RREB1: variants seen among roughly 807,000 people sequenced by gnomAD.
The protein encoded by RREB1 is ras-responsive element-binding protein 1.
In RREB1, 27 loss-of-function variants were observed where a neutral mutation model predicts 117.8. The observed-to-expected ratio is 0.23, with a 90% CI of 0.17 to 0.32. The LOEUF is 0.32. RREB1 is among the 10% of genes least tolerant of loss of function. RREB1 has a pLI of 1.00. For synonymous variants in RREB1, 1,298 were observed against 1,026.7 expected (o/e 1.26, Z -5.05); for missense variants, 2,577 against 2,378.2 (o/e 1.08, Z -1.74).
rs576180981 is a variant in RREB1, at chr6:7,171,317, G to A, written c.-284-5338G>A. Among the ~76,000 whole-genome samples, 5 of 152,266 alleles carry A rather than the reference G, an allele frequency of 3.3e-5. No homozygotes were observed. The South Asian group carries it at 1.0e-3, about 32-fold the overall frequency. On this transcript the variant is annotated intron_variant, in intron 1 of 12. Coordinates refer to ENST00000379938, the MANE Select transcript of RREB1 (RefSeq NM_001003699.4). ...AGGGCAGAGGTGAAGGGGGAGGAGAGCACTCCGCCTTCCTGCCTTGACGGG... is the reference window on the plus strand; with the variant it reads ...AGGGCAGAGGTGAAGGGGGAGGAGAACACTCCGCCTTCCTGCCTTGACGGG...
intron 8 of RREB1, among the ~76,000 whole-genome samples, chr6:7,222,106 T>C (rs1767295992): frequency 6.6e-6 from 1 of 152,200 alleles, no homozygotes; most frequent in Non-Finnish European, 1.5e-5. Flanking sequence ...GTAATTTCTT[T>C]TCTCTGGGAG....
chr6:7,229,801 G>A lies in RREB1; in HGVS notation c.1702G>A (p.Gly568Arg), dbSNP rs1211553369. ...CGCCCACCTGCTGCAGTCCAAGTCC[G>A]GGACCCAGCCCCACGCGGCCACGCG... ...SNAHLLQSKS[G>R]TQPHAATRLS... Residue 568 changes from glycine to arginine, a missense_variant, in exon 10 of 13, where the codon GGG becomes AGG. Physicochemically the swap from Gly to Arg is moderately radical, Grantham distance 125. Transcript: ENST00000379938. This position sits in a 1 kb window ranked among gnomAD's most constrained non-coding sequence, Gnocchi z 4.5. The A allele has an allele frequency of 1.2e-6, 2 of 1,610,428 alleles. No individual in the cohort carries two copies. Among genetic ancestry groups the A allele is most frequent in the South Asian group, 1.1e-5 (1 of 90,904 alleles).
chr6:7,248,825 C>A lies in RREB1; in HGVS notation c.5086C>A (p.Pro1696Thr). ...GGAGGAGAAGGTCACGGCAGGGTGG[C>A]CGTCTGAGCCTGGCCAGGGTGACCT... ...HREEKVTAGW[P>T]SEPGQGDLNP... The change falls in exon 13 of 13, where the codon CCG becomes ACG. Residue 1696 changes from proline to threonine, a missense_variant. Physicochemically the swap from Pro to Thr is conservative, Grantham distance 38. Transcript: ENST00000379938. The A allele has an allele frequency of 6.2e-7, 1 of 1,612,702 alleles. No individual in the cohort carries two copies. Among genetic ancestry groups the A allele is most frequent in the Non-Finnish European group, 8.5e-7 (1 of 1,179,494 alleles).
At chr6:7,114,472 G>A (rs1017191247) in intron 1 of RREB1, among the ~76,000 whole-genome samples, 1 of 151,622 alleles carries the variant, frequency 6.6e-6, no homozygotes, top group Non-Finnish European at 1.5e-5. Flanking sequence ...TTCTGGTGGG[G>A]GGGGGGGCGG....
chr6:7,226,768 C>T, intron 9 of RREB1, 112 bp downstream of exon 9: 1 of 861,280 alleles, frequency 1.2e-6, no homozygotes, highest in Non-Finnish European at 1.8e-6. Flanking sequence ...GTCGGTTGGG[C>T]TTTGTCTTTT....
At chr6:7,232,073 C>T (rs1040009482) in intron 10 of RREB1, among the ~76,000 whole-genome samples, 166 bp downstream of exon 10, 2 of 152,192 alleles carry the variant, frequency 1.3e-5, no homozygotes, top group African/African-American at 4.8e-5. Flanking sequence ...GCTGTATTTC[C>T]TATGTGCTCT....
chr6:7,217,454 A>G (rs1325268083), intron 8 of RREB1: 1 of 152,246 alleles, frequency 6.6e-6, no homozygotes, highest in East Asian at 1.9e-4. Context: ...AAATGCTCCC[A>G]GCTGAGCCAG....
chr6:7,177,895 G>C (rs1171454452), intron 2 of RREB1, among the ~76,000 whole-genome samples: 1 of 152,058 alleles, frequency 6.6e-6, no homozygotes. Context: ...GCTAATTTTT[G>C]TAGTTTTAGG....
intron 1 of RREB1, among the ~76,000 whole-genome samples, chr6:7,158,374 TA>T (rs1457051247): frequency 6.6e-6 from 1 of 152,108 alleles, no homozygotes; most frequent in Admixed American, 6.6e-5. Flanking sequence ...CAGGTTTTCT[TA>T]AAACTCTTAC....
intron 1 of RREB1, among the ~76,000 whole-genome samples, chr6:7,157,122 A>G (rs1763407699): frequency 6.6e-6 from 1 of 152,018 alleles, no homozygotes; most frequent in Non-Finnish European, 1.5e-5. Flanking sequence ...CATTTTTTGG[A>G]GATGACTAAT....
intron 2 of RREB1, among the ~76,000 whole-genome samples, chr6:7,177,244 G>A (rs62393586): frequency 1.4e-5 from 2 of 146,708 alleles, no homozygotes; most frequent in Admixed American, 6.7e-5. Context: ...AAAAAAAAAG[G>A]AGGAAAGAAA....
At chr6:7,220,162 T>A (rs1767159715) in intron 8 of RREB1, among the ~76,000 whole-genome samples, 1 of 152,168 alleles carries the variant, frequency 6.6e-6, no homozygotes, top group African/African-American at 2.4e-5. Context: ...TGGGGAATGG[T>A]CCAATCTACT....
intron 8 of RREB1, among the ~76,000 whole-genome samples, chr6:7,221,051 G>A (rs1048524314): frequency 4.6e-5 from 7 of 152,142 alleles, no homozygotes; most frequent in Non-Finnish European, 1.0e-4. Context: ...ATGAACCCTC[G>A]CGTCTCCACC....
In RREB1 at chr6:7,230,731, C is replaced by G; in HGVS notation, c.2632C>G (p.Pro878Ala). 1 of 1,602,696 alleles carries G rather than the reference C, an allele frequency of 6.2e-7. No individual in the cohort carries two copies. Among genetic ancestry groups the G allele is most frequent in the Non-Finnish European group, 8.5e-7 (1 of 1,173,452 alleles). ...GFLHRGPTQPPPPHVSIKLEP... is the reference protein window; with the variant it reads ...GFLHRGPTQPAPPHVSIKLEP... ...TCTTCACAGGGGCCCCACCCAGCCT[C>G]CACCTCCCCATGTCTCGATCAAGTT... Residue 878 changes from proline to alanine, a missense_variant, in exon 10 of 13, where the codon CCA (proline) becomes GCA (alanine). Coordinates refer to ENST00000379938, the MANE Select transcript of RREB1 (RefSeq NM_001003699.4).
rs1446045749 is a variant in RREB1, at chr6:7,231,207, G to C, written c.3108G>C (p.Leu1036=). 2.0e-5 allele frequency: 33 copies of C among 1,612,004 alleles called. No individual in the cohort carries two copies. The highest frequency in any genetic ancestry group is 2.8e-5 in the Non-Finnish European group (33 of 1,179,624). ...SPPLVGSSAL[L]SGTALLRPLR... ...CACTCGTGGGCAGCTCAGCCCTCCT[G>C]AGTGGCACAGCCTTGCTGCGTCCAC... The change falls in exon 10 of 13, where the codon CTG becomes CTC. Residue 1036 remains leucine, a synonymous_variant. Transcript: ENST00000379938.
At position 7,230,609 on chromosome 6, in the gene RREB1, C is replaced by T. The variant is rs761629525; in HGVS notation, c.2510C>T (p.Pro837Leu). 3.7e-6 allele frequency: 6 copies of T among 1,603,846 alleles called. No individual in the cohort carries two copies. The highest frequency in any genetic ancestry group is 2.2e-5 in the South Asian group (2 of 90,282). Residue 837 changes from proline to leucine, a missense_variant, in exon 10 of 13, where the codon CCG becomes CTG. Physicochemically the swap from Pro to Leu is moderately conservative, Grantham distance 98 (BLOSUM62 -3). Transcript: ENST00000379938. ...GACGGCCTGGGCCCCGCAGAGGCGC[C>T]GGCCGCTGAGGCGTCGGGGCGCGGG... Reference protein sequence around the residue: ...AADGLGPAEAPAAEASGRGED... With the variant: ...AADGLGPAEALAAEASGRGED...
chr6:7,188,743 T>C (rs1172097419), intron 5 of RREB1, among the ~76,000 whole-genome samples: 1 of 152,182 alleles, frequency 6.6e-6, no homozygotes, highest in African/African-American at 2.4e-5. Context: ...TCAGTTCTCT[T>C]TCTCTGACGG....
At chr6:7,199,958 A>G (rs182582546) in intron 6 of RREB1, among the ~76,000 whole-genome samples, 6 of 152,306 alleles carry the variant, frequency 3.9e-5, no homozygotes, top group African/African-American at 1.2e-4. Context: ...TCCTCTGAGA[A>G]AAAGGGTAGG....
At chr6:7,245,170 T>C (rs1328969688) in intron 11 of RREB1, among the ~76,000 whole-genome samples, 2 of 151,918 alleles carry the variant, frequency 1.3e-5, no homozygotes, top group Non-Finnish European at 2.9e-5. Context: ...CTGAGGTGGG[T>C]AGATCGCCTG....
Sources: gnomAD v4.1 joint callset for allele counts (sites outside exome capture counted in the v4.1 genomes callset) on GRCh38, gnomAD v4.1.1 for gene constraint, Gnocchi (gnomAD v3.1) non-coding constraint, MANE v1.5 for transcripts, NCBI Gene and HGNC (gene_info 2026-07-23, HGNC 2026-07-21) for gene names.